SLC4A4: variants seen among roughly 807,000 people sequenced by gnomAD.
SLC4A4 encodes solute carrier family 4 member 4.
A neutral mutation model predicts 111.5 loss-of-function variants in SLC4A4; 27 were observed. The observed-to-expected ratio is 0.24, with a 90% CI of 0.18 to 0.33. SLC4A4 has a LOEUF of 0.33. Among genes scored for constraint, SLC4A4 ranks in the 10% least tolerant of loss-of-function variants. The pLI is 1.00. For synonymous variants in SLC4A4, 443 were observed against 463.4 expected (o/e 0.96, Z 0.57); for missense variants, 909 against 1,315.5 (o/e 0.69, Z 4.78).
chr4:71,146,091 A>G lies in SLC4A4; in HGVS notation c.-2+53299A>G, dbSNP rs565626462. 9.8e-5 allele frequency among the ~76,000 whole-genome samples: 15 copies of G among 152,330 alleles called. No individual in the cohort carries two copies. The South Asian group carries it at 2.5e-3, about 25-fold the overall frequency. On this transcript the variant is annotated intron_variant, in intron 2 of 26. Coordinates refer to the SLC4A4 transcript ENST00000649996. ...CTTTCTCTTGTGGGCATTTAGTGCT[A>G]TAAATTTTCCTCTACACACCGCTTT...
chr4:71,164,381 A>G (rs1167430823), intron 2 of SLC4A4, among the ~76,000 whole-genome samples: 1 of 136,270 alleles, frequency 7.3e-6, no homozygotes, highest in Non-Finnish European at 1.6e-5. Flanking sequence ...CTCTGTCTCC[A>G]AAAAAAAAAA....
At chr4:71,264,699 C>G (rs1722108441) in intron 3 of SLC4A4, among the ~76,000 whole-genome samples, 1 of 152,070 alleles carries the variant, frequency 6.6e-6, no homozygotes, top group South Asian at 2.1e-4. Flanking sequence ...TCTAATTGTA[C>G]TTTGTTACTT....
At chr4:71,189,098 G>A (rs1018228539) in intron 1 of SLC4A4, among the ~76,000 whole-genome samples, 1 of 152,056 alleles carries the variant, frequency 6.6e-6, no homozygotes, top group Non-Finnish European at 1.5e-5. Flanking sequence ...TGTAGGAGTG[G>A]GGGTGACAAG....
chr4:71,108,757 TC>T (rs1266036633), intron 2 of SLC4A4, among the ~76,000 whole-genome samples: 1 of 152,168 alleles, frequency 6.6e-6, no homozygotes, highest in Non-Finnish European at 1.5e-5. Context: ...CTCTTCTCAT[TC>T]TGGAATCCTG....
At chr4:71,146,074 T>A (rs1350732561) in intron 2 of SLC4A4, among the ~76,000 whole-genome samples, 4 of 152,226 alleles carry the variant, frequency 2.6e-5, no homozygotes, top group Non-Finnish European at 2.9e-5. Context: ...TGCTTTCTCT[T>A]GTGGGCATTT....
In SLC4A4 at chr4:71,447,718, C is replaced by G; in HGVS notation, c.1038C>G (p.Thr346=). 1.2e-6 allele frequency: 2 copies of G among 1,608,772 alleles called. No homozygotes were observed. Among genetic ancestry groups the G allele is most frequent in the Non-Finnish European group, 1.7e-6 (2 of 1,175,416 alleles). ...SYHEIGRAIA[T]LMSDEVFHDI... is the part of the protein sequence containing the mutation. ...ACGAGATTGGCAGAGCCATTGCCAC[C>G]CTGATGTCTGATGAGGTAGGAAATC... The change falls in exon 9 of 26, where the codon ACC becomes ACG. Residue 346 remains threonine, a synonymous_variant. Coordinates refer to ENST00000264485, the MANE Select transcript of SLC4A4 (RefSeq NM_001098484.3).
rs114246955 is a variant in SLC4A4, at chr4:71,245,375, C to A, written c.73+8726C>A. ...GGATGGAGACAGTGTCCCAAGAGGGCAAAGACAGAAGTGTGGGGGCTGTTG... is the reference window on the plus strand; with the variant it reads ...GGATGGAGACAGTGTCCCAAGAGGGAAAAGACAGAAGTGTGGGGGCTGTTG... On this transcript the variant is annotated intron_variant, in intron 2 of 25. Coordinates refer to ENST00000264485, the MANE Select transcript of SLC4A4 (RefSeq NM_001098484.3). Among the ~76,000 whole-genome samples, 582 of 152,184 alleles carry A rather than the reference C, an allele frequency of 3.8e-3. 2 individuals are homozygous for A. Among genetic ancestry groups the A allele is most frequent in the African/African-American group, 0.013 (555 of 41,530 alleles).
At chr4:71,106,948 T>G (rs1325401933) in intron 2 of SLC4A4, among the ~76,000 whole-genome samples, 7 of 142,710 alleles carry the variant, frequency 4.9e-5, no homozygotes, top group African/African-American at 1.4e-4. Context: ...AAATAAATAA[T>G]AAGAAAAAAA....
Position 71,472,208 on chromosome 4 carries a change from C to T in SLC4A4, c.1632-491C>T, listed in dbSNP as rs573304580. On this transcript the variant is annotated intron_variant, in intron 13 of 25. Transcript: ENST00000264485. ...TTCCAGCCAGAATTAGTTACTCCTT[C>T]TTCTGTAACATTATCACTTAGTATT... 5.9e-5 allele frequency among the ~76,000 whole-genome samples: 9 copies of T among 152,080 alleles called. No homozygotes were observed. The South Asian group carries it at 1.9e-3, about 32-fold the overall frequency.
intron 3 of SLC4A4, among the ~76,000 whole-genome samples, chr4:71,330,934 C>G (rs1030334164): frequency 1.3e-5 from 2 of 152,100 alleles, no homozygotes; most frequent in Non-Finnish European, 2.9e-5. Flanking sequence ...CTGAACAGAC[C>G]CTTCTCAAAA....
intron 12 of SLC4A4, among the ~76,000 whole-genome samples, chr4:71,459,710 G>C (rs1470688745): frequency 6.6e-6 from 1 of 151,982 alleles, no homozygotes; most frequent in African/African-American, 2.4e-5. Context: ...AATGATAGCA[G>C]GATGTGCTCA....
intron 1 of SLC4A4, among the ~76,000 whole-genome samples, chr4:71,208,925 C>A (rs927862950): frequency 6.6e-6 from 1 of 151,752 alleles, no homozygotes; most frequent in African/African-American, 2.4e-5. Context: ...TTTTTTTTTC[C>A]TTGAGTTTCC....
At chr4:71,300,709 G>A in intron 3 of SLC4A4, 1 of 381,260 alleles carries the variant, frequency 2.6e-6, no homozygotes, top group South Asian at 2.4e-5. Context: ...CATGGGGCTG[G>A]CAGCAGCTTC....
intron 3 of SLC4A4, among the ~76,000 whole-genome samples, chr4:71,317,055 A>G (rs1726743568): frequency 7.3e-6 from 1 of 137,420 alleles, no homozygotes; most frequent in African/African-American, 2.7e-5. Context: ...ACAGGGCTGT[A>G]ACAGGGTTGT....
intron 6 of SLC4A4, among the ~76,000 whole-genome samples, chr4:71,362,381 G>A (rs73826293): frequency 0.051 from 7,770 of 152,266 alleles, 435 homozygotes; most frequent in South Asian, 0.13. Context: ...TGATGTCTGT[G>A]AAAGAGAGAT....
chr4:71,087,399 T>G (rs1193089810), intron 1 of SLC4A4, among the ~76,000 whole-genome samples: 1 of 152,080 alleles, frequency 6.6e-6, no homozygotes, highest in African/African-American at 2.4e-5. Flanking sequence ...TGTGTCTCTA[T>G]CTCCTTCAGT....
chr4:71,533,257 G>A (rs1266051299), intron 17 of SLC4A4, among the ~76,000 whole-genome samples: 5 of 152,058 alleles, frequency 3.3e-5, no homozygotes, highest in Non-Finnish European at 7.4e-5. Flanking sequence ...AATATTTATT[G>A]AATATTGAGT....
chr4:71,350,785 G>C (rs1237261280), intron 5 of SLC4A4, among the ~76,000 whole-genome samples: 3 of 152,126 alleles, frequency 2.0e-5, no homozygotes, highest in African/African-American at 7.2e-5. Context: ...AATTAGACAA[G>C]AATGTTACAC....
At chr4:71,106,689 C>T (rs13140509) in intron 2 of SLC4A4, among the ~76,000 whole-genome samples, 77,561 of 135,938 alleles carry the variant, frequency 0.57, 25,512 homozygotes, top group Non-Finnish European at 0.74. Context: ...AACCAAACAC[C>T]GCATATTCTC....
Sources: gnomAD v4.1 joint callset for allele counts (sites outside exome capture counted in the v4.1 genomes callset) on GRCh38, gnomAD v4.1.1 for gene constraint, MANE v1.5 for transcripts, NCBI Gene and HGNC (gene_info 2026-07-23, HGNC 2026-07-21) for gene names.